CALN1: variants seen among roughly 807,000 people sequenced by gnomAD.
CALN1 encodes the protein calcium-binding protein 8.
In CALN1, 17 loss-of-function variants were observed where a neutral mutation model predicts 30.6. That is an observed-to-expected ratio of 0.56 (90% CI 0.38 to 0.83). CALN1 has a LOEUF of 0.83. Among genes scored for constraint, CALN1 ranks in the 40% least tolerant of loss-of-function variants. The probability of loss-of-function intolerance (pLI) is 0.00; values close to 1 mark genes in which losing one functional copy is unlikely to be tolerated. For missense variants in CALN1, 291 were observed against 354.9 expected, an observed-to-expected ratio of 0.82 and a Z score of 1.45; for synonymous variants, 156 against 131.4, an observed-to-expected ratio of 1.19 and a Z score of -1.28.
chr7:72,214,306 C>T (rs1224228270), intron 3 of CALN1, among the ~76,000 whole-genome samples: 1 of 152,008 alleles, frequency 6.6e-6, no homozygotes, highest in African/African-American at 2.4e-5. Flanking sequence ...ATGATGAAAC[C>T]CTGTCTCTAC....
the CALN1 span, among the ~76,000 whole-genome samples, chr7:72,455,512 C>A: frequency 1.3e-5 from 2 of 151,914 alleles, no homozygotes; most frequent in Non-Finnish European, 2.9e-5. Context: ...GGAGATAAAG[C>A]CCTCTTGGAG....
chr7:72,329,150 A>C (rs1254924890), intron 2 of CALN1, among the ~76,000 whole-genome samples: 1 of 152,250 alleles, frequency 6.6e-6, no homozygotes, highest in Non-Finnish European at 1.5e-5. Flanking sequence ...CCACGTTTTT[A>C]AACAAAACTG....
chr7:71,847,757 AAAGAAG>A lies in CALN1; in HGVS notation c.502-37271_502-37266del, dbSNP rs1229093604. Among the ~76,000 whole-genome samples, 355 of 125,212 alleles carry A rather than the reference AAAGAAG, an allele frequency of 2.8e-3. 3 individuals are homozygous for A. Among genetic ancestry groups the A allele is most frequent in the African/African-American group, 7.7e-3 (284 of 37,014 alleles). 82.1% of individuals were successfully genotyped at this position (125,212 alleles called of 152,430 possible). On this transcript the variant is annotated intron_variant, in intron 5 of 6. Coordinates refer to ENST00000395275, the MANE Select transcript of CALN1 (RefSeq NM_031468.4). ...GAAAGAAGAAAGAAGAAGAAAGAAG[AAAGAAG>A]AAGAAGAAGAAAGAAGAAGAAGAAG...
At chr7:72,409,166 T>C (rs961699101) in intron 1 of CALN1, among the ~76,000 whole-genome samples, 27 of 152,012 alleles carry the variant, frequency 1.8e-4, no homozygotes, top group Middle Eastern at 3.4e-3. Context: ...TGGCTAATTT[T>C]TGCATTTTTA....
intron 5 of CALN1, among the ~76,000 whole-genome samples, chr7:71,922,765 A>G (rs1476609328): frequency 1.4e-5 from 2 of 139,978 alleles, no homozygotes; most frequent in East Asian, 3.9e-4. Flanking sequence ...AACATACCGA[A>G]TATATTATAT....
At chr7:72,434,363 CA>C (rs967442404) in intron 1 of CALN1, among the ~76,000 whole-genome samples, 81 of 135,360 alleles carry the variant, frequency 6.0e-4, no homozygotes, top group East Asian at 2.8e-3. Flanking sequence ...AAAAAAAAAA[CA>C]AAAAAAAAAT....
intron 5 of CALN1, among the ~76,000 whole-genome samples, chr7:71,873,233 A>G (rs1792050194): frequency 6.6e-6 from 1 of 151,768 alleles, no homozygotes; most frequent in South Asian, 2.1e-4. Flanking sequence ...GTCTCGAACT[A>G]CTGACCTCAG....
intron 3 of CALN1, among the ~76,000 whole-genome samples, chr7:72,121,178 A>C (rs1287789876): frequency 6.9e-6 from 1 of 144,686 alleles, no homozygotes; most frequent in African/African-American, 2.5e-5. Context: ...ATATATAATT[A>C]TATATTATGT....
intron 5 of CALN1, among the ~76,000 whole-genome samples, chr7:71,912,055 G>A (rs916998556): frequency 1.2e-4 from 18 of 151,996 alleles, no homozygotes; most frequent in Admixed American, 1.2e-3. Context: ...AGCTAACTGG[G>A]TGAAACGGGC....
chr7:72,292,184 A>G (rs375914724), intron 2 of CALN1, among the ~76,000 whole-genome samples: 13 of 152,012 alleles, frequency 8.6e-5, no homozygotes, highest in African/African-American at 2.9e-4. Context: ...ATATAACAGA[A>G]TATGTGGCTT....
chr7:72,426,560 C>T (rs1807803658), intron 1 of CALN1, among the ~76,000 whole-genome samples: 1 of 152,186 alleles, frequency 6.6e-6, no homozygotes, highest in Non-Finnish European at 1.5e-5. Context: ...AACCTCTTTC[C>T]TTTATAAATT....
At chr7:71,996,381 G>A (rs1799253230) in intron 5 of CALN1, among the ~76,000 whole-genome samples, 1 of 152,126 alleles carries the variant, frequency 6.6e-6, no homozygotes. Flanking sequence ...CATCCACAAA[G>A]GATTTTAAAG....
chr7:72,372,059 G>C (rs574886694), intron 2 of CALN1, among the ~76,000 whole-genome samples: 2 of 152,286 alleles, frequency 1.3e-5, no homozygotes, highest in African/African-American at 2.4e-5. Flanking sequence ...GTAGGTATTA[G>C]CAAAACAGGG....
chr7:71,977,538 G>A (rs956241502), intron 5 of CALN1, among the ~76,000 whole-genome samples: 4 of 152,150 alleles, frequency 2.6e-5, no homozygotes, highest in African/African-American at 9.7e-5. Context: ...ACAATCAGAG[G>A]GGCTAGTGCC....
At position 72,203,979 on chromosome 7, in the gene CALN1, C is replaced by CTTTTTTTTTT. The variant is rs869149598; in HGVS notation, c.244+74697_244+74706dup. ...TAGCCTTCATATAAGAGGCCTCTCTCTTTTTTTTTTTTTTTTTTTTTTTTT... is the reference window on the plus strand; with the variant it reads ...TAGCCTTCATATAAGAGGCCTCTCTCTTTTTTTTTTTTTTTTTTTTTTTTTTTTTTTTTTT... On this transcript the variant is annotated intron_variant, in intron 3 of 6. Coordinates refer to ENST00000395275, the MANE Select transcript of CALN1 (RefSeq NM_031468.4). 7.3e-4 allele frequency among the ~76,000 whole-genome samples: 61 copies of CTTTTTTTTTT among 83,802 alleles called. 14 individuals are homozygous for CTTTTTTTTTT. Among genetic ancestry groups the CTTTTTTTTTT allele is most frequent in the African/African-American group, 2.9e-3 (56 of 19,126 alleles). 55.0% of individuals were successfully genotyped at this position (83,802 alleles called of 152,430 possible). A position where few individuals can be genotyped will look rare whatever the true frequency, so the allele number is the denominator to read the frequency against.
chr7:72,159,826 A>G (rs1227532211), intron 3 of CALN1, among the ~76,000 whole-genome samples: 1 of 152,144 alleles, frequency 6.6e-6, no homozygotes, highest in Admixed American at 6.5e-5. Flanking sequence ...AAAAGTGGGT[A>G]GGTGCAAAAA....
chr7:72,162,527 A>C (rs1447749786), intron 3 of CALN1, among the ~76,000 whole-genome samples: 1 of 151,950 alleles, frequency 6.6e-6, no homozygotes. Context: ...TGAGGACAGG[A>C]GTTCGAGATC....
chr7:71,830,588 T>G (rs1245852904), intron 5 of CALN1, among the ~76,000 whole-genome samples: 3 of 152,100 alleles, frequency 2.0e-5, no homozygotes, highest in Admixed American at 6.6e-5. Flanking sequence ...CCTCAAGTGA[T>G]CCACCTGCCT....
At chr7:72,245,390 G>A (rs940736198) in intron 3 of CALN1, among the ~76,000 whole-genome samples, 8 of 152,090 alleles carry the variant, frequency 5.3e-5, no homozygotes, top group African/African-American at 1.7e-4. Flanking sequence ...AGGCTGAGGC[G>A]GGTGGAGCAC....
Sources: allele counts gnomAD v4.1 joint callset (sites outside exome capture counted in the v4.1 genomes callset), GRCh38; gene constraint gnomAD v4.1.1; transcripts MANE v1.5; gene names NCBI Gene and HGNC (gene_info 2026-07-23, HGNC 2026-07-21).